Variants in LSAMP observed in about 807,000 individuals in gnomAD.
The protein encoded by LSAMP is limbic system-associated membrane protein.
In LSAMP, 7 loss-of-function variants were observed where a neutral mutation model predicts 38.6. The observed-to-expected ratio is 0.18, with a 90% CI of 0.10 to 0.34. The LOEUF (loss-of-function observed/expected upper bound fraction) is 0.34, where lower values mean the gene tolerates loss of function less well. LSAMP is among the 10% of genes least tolerant of loss of function. The pLI, the probability that LSAMP is intolerant of heterozygous loss-of-function variation, is 1.00. For synonymous variants in LSAMP, 154 were observed against 166.8 expected (o/e 0.92, Z 0.59); for missense variants, 313 against 420.0 (o/e 0.75, Z 2.23).
intron 2 of LSAMP, among the ~76,000 whole-genome samples, chr3:116,055,267 T>C (rs573604716): frequency 6.6e-6 from 1 of 152,316 alleles, no homozygotes; most frequent in African/African-American, 2.4e-5. Context: ...CATGCGCTAT[T>C]TGTCATGCAC....
intron 2 of LSAMP, among the ~76,000 whole-genome samples, chr3:116,066,656 A>G (rs1422637493): frequency 6.6e-6 from 1 of 152,074 alleles, no homozygotes; most frequent in African/African-American, 2.4e-5. Flanking sequence ...CACCCATCAT[A>G]TTTACTAAAT....
intron 1 of LSAMP, among the ~76,000 whole-genome samples, chr3:116,166,780 T>G (rs1710061060): frequency 6.8e-6 from 1 of 147,508 alleles, no homozygotes; most frequent in Non-Finnish European, 1.5e-5. Context: ...TTTTTAGTTT[T>G]TTTTTTGTTT....
intron 1 of LSAMP, among the ~76,000 whole-genome samples, chr3:116,239,310 T>C (rs2046502301): frequency 6.6e-6 from 1 of 152,128 alleles, no homozygotes; most frequent in Admixed American, 6.5e-5. Flanking sequence ...TACTAAGCTA[T>C]AGAAAACTAA....
At position 116,302,102 on chromosome 3, in the gene LSAMP, C is replaced by A. The variant is rs1284051170; in HGVS notation, c.155+142775G>T. Among the ~76,000 whole-genome samples, 5 of 152,304 alleles carry A rather than the reference C, an allele frequency of 3.3e-5. No homozygotes were observed. The East Asian group carries it at 7.7e-4, about 24-fold the overall frequency. ...ATCTGTCAAGAAGGAAGAAGCTGTT[C>A]TGAAATGAAGGCACTGATAATTGTG... On this transcript the variant is annotated intron_variant, in intron 1 of 6. Transcript: ENST00000490035.
At chr3:116,428,604 A>G (rs2049236342) in intron 1 of LSAMP, among the ~76,000 whole-genome samples, 1 of 152,194 alleles carries the variant, frequency 6.6e-6, no homozygotes, top group Admixed American at 6.5e-5. Context: ...TAATGTCTAC[A>G]TATAATGCTT....
chr3:116,209,501 C>A (rs182289810), intron 1 of LSAMP, among the ~76,000 whole-genome samples: 1 of 152,094 alleles, frequency 6.6e-6, no homozygotes, highest in Non-Finnish European at 1.5e-5. Flanking sequence ...GTTTTCCAGT[C>A]TTTTTGAATA....
At chr3:115,993,701 TA>T (rs971142426) in intron 3 of LSAMP, among the ~76,000 whole-genome samples, 73 of 152,150 alleles carry the variant, frequency 4.8e-4, no homozygotes, top group African/African-American at 1.7e-3. Flanking sequence ...AGTGGCTTTT[TA>T]AAAAAAATTT....
At chr3:115,890,122 TTTC>T (rs1171211355) in intron 3 of LSAMP, among the ~76,000 whole-genome samples, 1 of 151,966 alleles carries the variant, frequency 6.6e-6, no homozygotes, top group Non-Finnish European at 1.5e-5. Flanking sequence ...GCAATTTTGA[TTTC>T]TTTTCAGGTT....
intron 1 of LSAMP, among the ~76,000 whole-genome samples, chr3:116,420,345 G>T (rs1316091690): frequency 2.0e-5 from 3 of 151,818 alleles, no homozygotes; most frequent in Non-Finnish European, 4.4e-5. Context: ...CAATCTGCCT[G>T]CCTTTGCCTC....
chr3:116,060,646 G>A (rs552917609), intron 2 of LSAMP, among the ~76,000 whole-genome samples: 1 of 152,254 alleles, frequency 6.6e-6, no homozygotes, highest in East Asian at 1.9e-4. Context: ...TGTAATCCCA[G>A]CTCCTTGGGA....
At chr3:115,964,831 A>G (rs543054074) in intron 3 of LSAMP, among the ~76,000 whole-genome samples, 1 of 152,268 alleles carries the variant, frequency 6.6e-6, no homozygotes, top group African/African-American at 2.4e-5. Flanking sequence ...AATCTAAAAA[A>G]CTATATGCTG....
At chr3:116,233,065 T>C (rs536977103) in intron 1 of LSAMP, among the ~76,000 whole-genome samples, 71 of 152,284 alleles carry the variant, frequency 4.7e-4, no homozygotes, top group African/African-American at 1.7e-3. Context: ...CCTTTAATTA[T>C]TCTTTAGAAT....
chr3:115,999,352 T>G (rs1032388878), intron 3 of LSAMP, among the ~76,000 whole-genome samples: 1 of 152,084 alleles, frequency 6.6e-6, no homozygotes, highest in African/African-American at 2.4e-5. Context: ...ACTTGCTGCT[T>G]TGTTATCCCC....
intron 3 of LSAMP, among the ~76,000 whole-genome samples, chr3:115,921,479 G>A (rs1392173859): frequency 6.6e-6 from 1 of 151,870 alleles, no homozygotes; most frequent in Non-Finnish European, 1.5e-5. Context: ...TGTTATTGAT[G>A]CCACAAATTA....
chr3:116,431,980 TTTTA>T (rs1468364217), intron 1 of LSAMP, among the ~76,000 whole-genome samples: 2 of 152,092 alleles, frequency 1.3e-5, no homozygotes, highest in East Asian at 3.9e-4. Flanking sequence ...TCCTTTTGCT[TTTTA>T]TGAACTATAT....
rs1223845783 is a variant in LSAMP, at chr3:115,807,470, CATTT to C, written c.*2843_*2846del. ...GAACAAACGGTGCTGACATGGCAGA[CATTT>C]ATTTCAATGGAGAAGTTCCTCCCAT... On this transcript the variant is annotated 3_prime_UTR_variant, in exon 7 of 7. Coordinates refer to ENST00000490035, the MANE Select transcript of LSAMP (RefSeq NM_002338.5). 5 of 152,134 alleles carry C rather than the reference CATTT, an allele frequency of 3.3e-5. No homozygotes were observed. The highest frequency in any genetic ancestry group is 1.3e-4 in the Admixed American group (2 of 15,272). 9.4% of individuals were successfully genotyped at this position (152,134 alleles called of 1,614,324 possible). A position where few individuals can be genotyped will look rare whatever the true frequency, so the allele number is the denominator to read the frequency against.
chr3:116,104,856 A>G (rs979396448), intron 1 of LSAMP, among the ~76,000 whole-genome samples: 1 of 152,214 alleles, frequency 6.6e-6, no homozygotes, highest in African/African-American at 2.4e-5. Context: ...TGTCAGATGA[A>G]AAGTTAATAA....
chr3:116,058,655 AT>A (rs1288553420), intron 2 of LSAMP, among the ~76,000 whole-genome samples: 1 of 152,090 alleles, frequency 6.6e-6, no homozygotes, highest in Non-Finnish European at 1.5e-5. Context: ...ACATTTGAAC[AT>A]TCAGAGTCTT....
chr3:116,083,481 A>C (rs560212907), intron 2 of LSAMP, among the ~76,000 whole-genome samples: 3 of 152,224 alleles, frequency 2.0e-5, no homozygotes, highest in Non-Finnish European at 4.4e-5. Context: ...AGCAAGAATG[A>C]AAACAGATTT....
Sources: allele counts gnomAD v4.1 joint callset (sites outside exome capture counted in the v4.1 genomes callset), GRCh38; gene constraint gnomAD v4.1.1; transcripts MANE v1.5; gene names NCBI Gene and HGNC (gene_info 2026-07-23, HGNC 2026-07-21).